The following MN1 variants were observed in gnomAD, a reference collection of about 807,000 sequenced individuals.
MN1 encodes MN1 proto-oncogene, transcriptional regulator.
MN1 carries 19 observed loss-of-function variants against 86.9 expected under a neutral mutation model. That is an observed-to-expected ratio of 0.22 (90% CI 0.15 to 0.32). MN1 has a LOEUF of 0.32. Among genes scored for constraint, MN1 ranks in the 10% least tolerant of loss-of-function variants. MN1 has a pLI of 1.00. For missense variants in MN1, 1,841 were observed against 1,862.0 expected (o/e 0.99, Z 0.21); for synonymous variants, 928 against 849.6 (o/e 1.09, Z -1.60).
chr22:27,798,671 A>C lies in MN1; in HGVS notation c.1873T>G (p.Leu625Val), dbSNP rs1194696037. 1 of 1,545,674 alleles carries C rather than the reference A, an allele frequency of 6.5e-7. No individual in the cohort carries two copies. Among genetic ancestry groups the C allele is most frequent in the South Asian group, 1.2e-5 (1 of 84,392 alleles). Residue 625 changes from leucine to valine, a missense_variant, in exon 1 of 2, where the codon TTG becomes GTG. Leu to Val is a conservative substitution (Grantham distance 32). Transcript: ENST00000302326. ...LGTFEQQAPH[L>V]AQESAWFSGP... ...GAGAACCACGCGCTCTCTTGCGCCA[A>C]GTGCGGCGCCTGCTGCTCGAAGGTG...
At chr22:27,764,139 G>A (rs533673890) in intron 1 of MN1, among the ~76,000 whole-genome samples, 1 of 152,178 alleles carries the variant, frequency 6.6e-6, no homozygotes, top group Non-Finnish European at 1.5e-5. Context: ...GGGGAGCCAA[G>A]GAAGGCTTCT....
At chr22:27,774,432 G>C (rs1331267975) in intron 1 of MN1, among the ~76,000 whole-genome samples, 1 of 152,160 alleles carries the variant, frequency 6.6e-6, no homozygotes, top group Non-Finnish European at 1.5e-5. Flanking sequence ...CTTGCCCAGG[G>C]CCACACAGCC....
At chr22:27,766,998 TCCAGTGCC>T (rs934447321) in intron 1 of MN1, among the ~76,000 whole-genome samples, 8 of 152,156 alleles carry the variant, frequency 5.3e-5, no homozygotes, top group Admixed American at 2.0e-4. Flanking sequence ...CTCAGTGGGC[TCCAGTGCC>T]CCTCATACTG....
At chr22:27,796,182 T>C (rs571729048) in intron 1 of MN1, among the ~76,000 whole-genome samples, 1 of 152,278 alleles carries the variant, frequency 6.6e-6, no homozygotes, top group Non-Finnish European at 1.5e-5. Context: ...ACAAAATAGC[T>C]ATTCATTAGG....
chr22:27,766,449 G>A (rs1932870658), intron 1 of MN1, among the ~76,000 whole-genome samples: 1 of 152,140 alleles, frequency 6.6e-6, no homozygotes, highest in Non-Finnish European at 1.5e-5. Context: ...AGGAGGTGTG[G>A]GAAGAGGCGG....
intron 1 of MN1, among the ~76,000 whole-genome samples, chr22:27,773,949 C>T (rs1932943877): frequency 2.0e-5 from 3 of 152,120 alleles, no homozygotes; most frequent in South Asian, 4.2e-4. Flanking sequence ...CCACCGCGCC[C>T]GGCCTTGATC....
rs752169992 is a variant in MN1, at chr22:27,797,292, G to C, written c.3252C>G (p.Leu1084=). 16 of 1,597,636 alleles carry C rather than the reference G, an allele frequency of 1.0e-5. No individual in the cohort carries two copies. Among genetic ancestry groups the C allele is most frequent in the African/African-American group, 9.3e-5 (7 of 74,882 alleles). The change falls in exon 1 of 2, where the codon CTC becomes CTG. Residue 1084 remains leucine (L), a synonymous_variant. Coordinates refer to ENST00000302326, the MANE Select transcript of MN1 (RefSeq NM_002430.3). ...RSPLVTGSPK[L]PPRGVGAGEH... ...CCCCGGCGCCTACCCCACGGGGAGG[G>C]AGTTTGGGCGAGCCGGTCACCAGGG...
chr22:27,785,754 C>CA (rs67809292), intron 1 of MN1, among the ~76,000 whole-genome samples: 3 of 92,424 alleles, frequency 3.2e-5, no homozygotes, highest in African/African-American at 9.7e-5. Flanking sequence ...GTGCCCCCCC[C>CA]CCATGGCCCC....
At chr22:27,756,650 TAGG>T (rs1172555480) in intron 1 of MN1, among the ~76,000 whole-genome samples, 2 of 152,172 alleles carry the variant, frequency 1.3e-5, no homozygotes, top group African/African-American at 4.8e-5. Context: ...TGCAGGCTGC[TAGG>T]AGGATTAAGT....
Position 27,798,577 on chromosome 22 carries a change from C to G in MN1, c.1967G>C (p.Cys656Ser), listed in dbSNP as rs777385399. 3.9e-6 allele frequency: 6 copies of G among 1,540,762 alleles called. No individual in the cohort carries two copies. The East Asian group carries it at 1.4e-4, about 37-fold the overall frequency. Residue 656 changes from cysteine to serine, a missense_variant, in exon 1 of 2, where the codon TGT becomes TCT. Transcript: ENST00000302326. ...RMGGSGLPADCGPHDPSLAPP... is the reference protein window; with the variant it reads ...RMGGSGLPADSGPHDPSLAPP... ...CGCCAGGCTGGGGTCGTGCGGGCCA[C>G]AGTCAGCGGGCAGACCCGAGCCGCC...
intron 1 of MN1, among the ~76,000 whole-genome samples, chr22:27,796,392 C>G (rs1199846275): frequency 6.6e-6 from 1 of 151,484 alleles, no homozygotes; most frequent in African/African-American, 2.4e-5. Context: ...GTGGAGCCAG[C>G]CTCAATGTTG....
chr22:27,797,508 C>T lies in MN1; in HGVS notation c.3036G>A (p.Lys1012=), dbSNP rs762012343. The T allele has an allele frequency of 6.2e-7, 1 of 1,606,600 alleles. No individual in the cohort carries two copies. Among genetic ancestry groups the T allele is most frequent in the Non-Finnish European group, 8.5e-7 (1 of 1,177,064 alleles). ...GATCCCCCAGGAGCAACTCAGCCCC[C>T]TTCCCCCAGGATGGCGACGTGAGCG... The part of the protein sequence containing the change: ...EKALTSPSWG[K]GAELLLGDQP... Residue 1012 remains lysine, a synonymous_variant, in exon 1 of 2, where the codon AAG becomes AAA. Coordinates refer to ENST00000302326, the MANE Select transcript of MN1 (RefSeq NM_002430.3).
intron 1 of MN1, among the ~76,000 whole-genome samples, chr22:27,785,755 C>CG (rs1491011755): frequency 6.6e-6 from 1 of 150,422 alleles, no homozygotes; most frequent in African/African-American, 2.4e-5. Flanking sequence ...TGCCCCCCCC[C>CG]CATGGCCCCT....
At chr22:27,759,824 T>C (rs932045230) in intron 1 of MN1, among the ~76,000 whole-genome samples, 11 of 152,188 alleles carry the variant, frequency 7.2e-5, no homozygotes, top group Non-Finnish European at 1.6e-4. Flanking sequence ...CAAGTCACTC[T>C]CCCTCTCTGG....
intron 1 of MN1, among the ~76,000 whole-genome samples, chr22:27,767,220 G>T (rs1195946276): frequency 6.6e-6 from 1 of 152,004 alleles, no homozygotes; most frequent in Non-Finnish European, 1.5e-5. Flanking sequence ...ACCCTAAAGA[G>T]TCCCTAAAAT....
Position 27,796,966 on chromosome 22 carries a change from T to A in MN1, c.3578A>T (p.Gln1193Leu). The part of the protein sequence containing the change: ...GECAVGASGA[Q>L]NGDSELGSCC... ...GCTGCCCAGCTCGCTGTCGCCATTC[T>A]GCGCCCCTGAGGCCCCGACGGCGCA... The change falls in exon 1 of 2, where the codon CAG becomes CTG. Residue 1193 changes from glutamine (Q) to leucine (L), a missense_variant. Coordinates refer to ENST00000302326, the MANE Select transcript of MN1 (RefSeq NM_002430.3). The A allele has an allele frequency of 6.2e-7, 1 of 1,612,444 alleles. No homozygotes were observed. Among genetic ancestry groups the A allele is most frequent in the Non-Finnish European group, 8.5e-7 (1 of 1,179,744 alleles).
chr22:27,779,771 A>G (rs1321359217), intron 1 of MN1, among the ~76,000 whole-genome samples: 1 of 152,198 alleles, frequency 6.6e-6, no homozygotes, highest in African/African-American at 2.4e-5. Flanking sequence ...TGGGTCACCC[A>G]GGGGCCCAGG....
intron 1 of MN1, among the ~76,000 whole-genome samples, chr22:27,770,192 C>T (rs1180561623): frequency 6.6e-6 from 1 of 152,226 alleles, no homozygotes; most frequent in Admixed American, 6.5e-5. Flanking sequence ...AGATAGCTCC[C>T]ACAAGCCTCA....
At position 27,801,446 on chromosome 22, in the gene MN1, C is replaced by T. The variant is rs1310249407; in HGVS notation, c.-903G>A. On this transcript the variant is annotated 5_prime_UTR_variant, in exon 1 of 2. Coordinates refer to ENST00000302326, the MANE Select transcript of MN1 (RefSeq NM_002430.3). The stretch of plus-strand genomic sequence containing the variant: ...GCGCACCGTTGCAGGCGCGGGAGGG[C>T]AGCGAGACGAGGGGTTGGGTCGCTC... The T allele has an allele frequency of 1.5e-5, 3 of 205,570 alleles. No homozygotes were observed. Among genetic ancestry groups the T allele is most frequent in the Non-Finnish European group, 3.0e-5 (3 of 100,274 alleles). The allele number at this position is 205,570 out of a possible 1,614,324, so 12.7% of individuals were successfully genotyped here.
Sources: allele counts gnomAD v4.1 joint callset (sites outside exome capture counted in the v4.1 genomes callset), GRCh38; gene constraint gnomAD v4.1.1; transcripts MANE v1.5; gene names NCBI Gene and HGNC (gene_info 2026-07-23, HGNC 2026-07-21).